The following SLC4A10 variants were observed in gnomAD, a reference collection of about 807,000 sequenced individuals.
The protein encoded by SLC4A10 is solute carrier family 4 member 10.
Under a neutral mutation model 137.7 loss-of-function variants are expected in SLC4A10, and 42 were observed. That is an observed-to-expected ratio of 0.30 (90% CI 0.24 to 0.39). The LOEUF (loss-of-function observed/expected upper bound fraction) is 0.39, where lower values mean the gene tolerates loss of function less well. Ranked by LOEUF, SLC4A10 falls within the 10% of genes least tolerant of loss-of-function variation. The probability of loss-of-function intolerance (pLI) is 1.00; values close to 1 mark genes in which losing one functional copy is unlikely to be tolerated. For synonymous variants in SLC4A10, 474 were observed against 464.1 expected, an observed-to-expected ratio of 1.02 and a Z score of -0.27; for missense variants, 925 against 1,355.0, an observed-to-expected ratio of 0.68 and a Z score of 4.98.
intron 15 of SLC4A10, among the ~76,000 whole-genome samples, chr2:161,922,108 A>G (rs529073756): frequency 6.6e-6 from 1 of 152,326 alleles, no homozygotes; most frequent in East Asian, 1.9e-4. Flanking sequence ...GTGCTATCAT[A>G]TAAAAGTATA....
intron 24 of SLC4A10, 52 bp from the exon 25 acceptor site, chr2:161,976,708 T>C: frequency 3.5e-6 from 3 of 863,566 alleles, no homozygotes; most frequent in South Asian, 2.2e-5. Context: ...ATTGAAAAAC[T>C]GCAGTTACTT....
chr2:161,692,813 C>T (rs1408515718), intron 1 of SLC4A10, among the ~76,000 whole-genome samples: 3 of 151,886 alleles, frequency 2.0e-5, no homozygotes, highest in South Asian at 2.1e-4. Flanking sequence ...CGTCCAAGTT[C>T]GATGCTACAT....
rs942338980 is a variant in SLC4A10 at position 161,755,450 on chromosome 2, T to C, written c.49-15523T>C. Reference sequence around the variant, plus strand: ...TTGGGAAGTTGAGTTTTCTCATCTTTAAAATATGGATCATAGATTAGGTGA... The same window carrying C: ...TTGGGAAGTTGAGTTTTCTCATCTTCAAAATATGGATCATAGATTAGGTGA... On this transcript the variant is annotated intron_variant, in intron 1 of 26. Transcript: ENST00000446997. Among the ~76,000 whole-genome samples the C allele has an allele frequency of 4.6e-5, 7 of 152,306 alleles. No homozygotes were observed. The South Asian group carries it at 1.4e-3, about 32-fold the overall frequency.
At chr2:161,742,577 G>A (rs962912122) in intron 1 of SLC4A10, among the ~76,000 whole-genome samples, 1 of 151,212 alleles carries the variant, frequency 6.6e-6, no homozygotes, top group African/African-American at 2.4e-5. Flanking sequence ...GGTAGCTGAG[G>A]TTACAAGTGC....
chr2:161,739,003 A>G (rs546831958), intron 1 of SLC4A10, among the ~76,000 whole-genome samples: 114 of 152,308 alleles, frequency 7.5e-4, no homozygotes, highest in African/African-American at 2.7e-3. Flanking sequence ...GCCCTCAGGA[A>G]TTCTAGCATA....
At chr2:161,765,550 G>T (rs2050712267) in intron 1 of SLC4A10, among the ~76,000 whole-genome samples, 1 of 150,640 alleles carries the variant, frequency 6.6e-6, no homozygotes. Context: ...AGGAGGCAGA[G>T]GTTGCAGTGA....
chr2:161,700,813 G>T (rs567698528), intron 1 of SLC4A10, among the ~76,000 whole-genome samples: 7 of 152,012 alleles, frequency 4.6e-5, no homozygotes, highest in Non-Finnish European at 8.8e-5. Flanking sequence ...TATATAACAG[G>T]TTCTGCTCTA....
chr2:161,667,396 G>A (rs1307275495), intron 1 of SLC4A10, among the ~76,000 whole-genome samples: 1 of 151,634 alleles, frequency 6.6e-6, no homozygotes, highest in African/African-American at 2.4e-5. Flanking sequence ...GGGAAGACAA[G>A]TTAGTTAATA....
intron 1 of SLC4A10, among the ~76,000 whole-genome samples, chr2:161,701,041 G>A (rs1193257610): frequency 6.6e-6 from 1 of 151,972 alleles, no homozygotes; most frequent in Non-Finnish European, 1.5e-5. Context: ...TGCTTCACAT[G>A]TAATAATCAC....
intron 24 of SLC4A10, among the ~76,000 whole-genome samples, chr2:161,975,042 T>G (rs1278405800): frequency 6.6e-6 from 1 of 152,170 alleles, no homozygotes; most frequent in African/African-American, 2.4e-5. Context: ...CAGAGAATAC[T>G]TTTTTATGAG....
At chr2:161,899,568 T>A (rs2063883233) in intron 11 of SLC4A10, among the ~76,000 whole-genome samples, 1 of 152,156 alleles carries the variant, frequency 6.6e-6, no homozygotes, top group Non-Finnish European at 1.5e-5. Flanking sequence ...CCTTAATATA[T>A]GTTCTTTACT....
At chr2:161,680,178 T>C (rs886864309) in intron 1 of SLC4A10, among the ~76,000 whole-genome samples, 2 of 152,120 alleles carry the variant, frequency 1.3e-5, no homozygotes, top group African/African-American at 4.8e-5. Context: ...GAGAGCTCTG[T>C]TCACAGAGTT....
intron 4 of SLC4A10, among the ~76,000 whole-genome samples, chr2:161,849,222 A>G (rs911691723): frequency 4.6e-5 from 7 of 152,078 alleles, no homozygotes; most frequent in Admixed American, 2.6e-4. Flanking sequence ...ATTGGTGTAT[A>G]TAAACATATA....
chr2:161,949,698 G>A (rs1210262689), intron 18 of SLC4A10, among the ~76,000 whole-genome samples: 1 of 151,930 alleles, frequency 6.6e-6, no homozygotes, highest in Non-Finnish European at 1.5e-5. Context: ...CTTGGGATCG[G>A]AAGTGTTTCA....
At chr2:161,873,815 A>G in intron 7 of SLC4A10, 101 bp from the exon 8 acceptor site, 1 of 1,192,450 alleles carries the variant, frequency 8.4e-7, no homozygotes, top group East Asian at 2.6e-5. Flanking sequence ...CAATGCCTAA[A>G]TAATCTAGAT....
At chr2:161,748,904 T>C (rs961116807) in intron 1 of SLC4A10, among the ~76,000 whole-genome samples, 1 of 152,130 alleles carries the variant, frequency 6.6e-6, no homozygotes, top group Non-Finnish European at 1.5e-5. Context: ...ATGTTTCCAA[T>C]CCATGAACAT....
chr2:161,957,666 G>A (rs144054200), intron 20 of SLC4A10, among the ~76,000 whole-genome samples: 84 of 152,224 alleles, frequency 5.5e-4, no homozygotes, highest in Non-Finnish European at 9.6e-4. Flanking sequence ...GATGAGCCTG[G>A]TTATAGTCAC....
intron 1 of SLC4A10, among the ~76,000 whole-genome samples, chr2:161,688,419 CA>C (rs1457242619): frequency 2.0e-5 from 3 of 151,998 alleles, no homozygotes; most frequent in African/African-American, 7.3e-5. Context: ...GTTATTGACC[CA>C]AATGGAGTCT....
chr2:161,818,198 C>A (rs571670459), intron 3 of SLC4A10, among the ~76,000 whole-genome samples: 1 of 152,234 alleles, frequency 6.6e-6, no homozygotes, highest in South Asian at 2.1e-4. Context: ...TCCTTCGCAT[C>A]CCTTTTAAGT....
Sources: gnomAD v4.1 joint callset for allele counts (sites outside exome capture counted in the v4.1 genomes callset) on GRCh38, gnomAD v4.1.1 for gene constraint, MANE v1.5 for transcripts, NCBI Gene and HGNC (gene_info 2026-07-23, HGNC 2026-07-21) for gene names.